The following CAPN9 variants were observed in gnomAD, a reference collection of about 807,000 sequenced individuals.
CAPN9 encodes calpain-9.
CAPN9 carries 81 observed loss-of-function variants against 92.8 expected under a neutral mutation model. The ratio of observed to expected loss-of-function variants is 0.87; its 90% CI spans 0.73 to 1.05. The LOEUF (loss-of-function observed/expected upper bound fraction) is 1.05, where lower values mean the gene tolerates loss of function less well. Among genes scored for constraint, CAPN9 ranks in the 50% least tolerant of loss-of-function variants. CAPN9 has a pLI of 0.00. For missense variants in CAPN9, 848 were observed against 866.2 expected (o/e 0.98, Z 0.26); for synonymous variants, 304 against 328.0 (o/e 0.93, Z 0.79).
intron 11 of CAPN9, among the ~76,000 whole-genome samples, chr1:230,785,141 A>G (rs1667498540): frequency 6.6e-6 from 1 of 152,126 alleles, no homozygotes; most frequent in South Asian, 2.1e-4. Context: ...CTATACTCCC[A>G]TTGTATTTTG....
intron 9 of CAPN9, 54 bp from the exon 10 acceptor site, chr1:230,780,125 C>G: frequency 8.6e-7 from 1 of 1,165,816 alleles, no homozygotes; most frequent in Non-Finnish European, 1.2e-6. Flanking sequence ...TGTGTGTGGT[C>G]TTTGTGGGTT....
At chr1:230,787,313 G>A (rs1304414569) in intron 12 of CAPN9, among the ~76,000 whole-genome samples, 1 of 152,128 alleles carries the variant, frequency 6.6e-6, no homozygotes, top group Non-Finnish European at 1.5e-5. Context: ...GGGCTCCACA[G>A]GTCCAGCTAA....
chr1:230,776,666 G>T lies in CAPN9; in HGVS notation c.953+2035G>T, dbSNP rs114130922. 143 of 152,234 alleles carry T rather than the reference G, an allele frequency of 9.4e-4. 2 individuals carry two copies. The highest frequency in any genetic ancestry group is 3.4e-3 in the African/African-American group (141 of 41,528). 9.4% of individuals were successfully genotyped at this position (152,234 alleles called of 1,614,324 possible). A position where few individuals can be genotyped will look rare whatever the true frequency, so the allele number is the denominator to read the frequency against. ...CCAGGGAGGATGTTCATATTCTGTG[G>T]GTGGCTCTGTTCATACAGTGATTCA... On this transcript the variant is annotated intron_variant, in intron 8 of 19. Coordinates refer to ENST00000271971, the MANE Select transcript of CAPN9 (RefSeq NM_006615.3).
At chr1:230,789,524 G>A (rs1667840905) in intron 13 of CAPN9, among the ~76,000 whole-genome samples, 2 of 146,768 alleles carry the variant, frequency 1.4e-5, no homozygotes, top group South Asian at 4.4e-4. Context: ...GGCAAGGTCT[G>A]AGACTCTCCA....
At chr1:230,774,977 A>G (rs756833753) in intron 8 of CAPN9, among the ~76,000 whole-genome samples, 8 of 151,976 alleles carry the variant, frequency 5.3e-5, no homozygotes, top group Non-Finnish European at 7.4e-5. Context: ...CTGACCTCAG[A>G]GAAACCACCC....
At chr1:230,760,493 G>A (rs12023382) in intron 3 of CAPN9, among the ~76,000 whole-genome samples, 1 of 152,274 alleles carries the variant, frequency 6.6e-6, no homozygotes, top group East Asian at 1.9e-4. Flanking sequence ...TGTCCCTGAA[G>A]CCTGCAATCT....
At chr1:230,759,228 C>T (rs12562543) in intron 2 of CAPN9, among the ~76,000 whole-genome samples, 3,952 of 152,274 alleles carry the variant, frequency 0.026, 158 homozygotes, top group East Asian at 0.088. Flanking sequence ...TGCTGGAATT[C>T]ACAGAGCTGA....
intron 8 of CAPN9, among the ~76,000 whole-genome samples, chr1:230,777,891 T>C (rs1238510535): frequency 6.6e-6 from 1 of 152,086 alleles, no homozygotes; most frequent in Non-Finnish European, 1.5e-5. Flanking sequence ...CAGGACCCCA[T>C]CCATGGTCCC....
intron 18 of CAPN9, among the ~76,000 whole-genome samples, chr1:230,797,182 A>T (rs28359734): frequency 6.6e-6 from 1 of 151,986 alleles, no homozygotes; most frequent in Non-Finnish European, 1.5e-5. Context: ...CAAATTCGCC[A>T]GGTGTTTCCA....
rs189942759 is a variant in CAPN9 at position 230,793,273 on chromosome 1, G to A, written c.1870+345G>A. Reference sequence around the variant, plus strand: ...CATGGCTCTTTGGTGGCAAGCTGCAGTGATTCCAAACTTCTCATTTCTGCT... The same window carrying A: ...CATGGCTCTTTGGTGGCAAGCTGCAATGATTCCAAACTTCTCATTTCTGCT... On this transcript the variant is annotated intron_variant, in intron 17 of 19. Transcript: ENST00000271971. Among the ~76,000 whole-genome samples the A allele has an allele frequency of 1.2e-4, 18 of 152,348 alleles. No individual in the cohort carries two copies. The East Asian group carries it at 3.5e-3, about 29-fold the overall frequency.
chr1:230,798,111 G>C, intron 18 of CAPN9, 51 bp from the exon 19 acceptor site: 3 of 1,378,502 alleles, frequency 2.2e-6, no homozygotes, highest in African/African-American at 1.4e-5. Flanking sequence ...AAACAAACTT[G>C]GTAAAGGAAT....
At chr1:230,775,235 T>C (rs546351175) in intron 8 of CAPN9, among the ~76,000 whole-genome samples, 1 of 152,230 alleles carries the variant, frequency 6.6e-6, no homozygotes, top group East Asian at 1.9e-4. Flanking sequence ...CACACCTCCT[T>C]GGCACTCTTT....
chr1:230,758,854 C>T (rs750913021), intron 2 of CAPN9, among the ~76,000 whole-genome samples: 2 of 152,188 alleles, frequency 1.3e-5, no homozygotes, highest in South Asian at 2.1e-4. Context: ...AGCCCACACT[C>T]AGTGTGGGCA....
chr1:230,758,200 T>C (rs1161282006), intron 2 of CAPN9, among the ~76,000 whole-genome samples: 1 of 152,188 alleles, frequency 6.6e-6, no homozygotes. Flanking sequence ...CTGGGCAAAG[T>C]TGAAACTTGG....
rs772278210 is a variant in CAPN9, at chr1:230,774,553, G to T, written c.876-1G>T. ...TGAACACCAATTTTGTTTACTCCTAGTTCTCCGGAGTGGCGTTCTGTTGGT... is the reference window on the plus strand; with the variant it reads ...TGAACACCAATTTTGTTTACTCCTATTTCTCCGGAGTGGCGTTCTGTTGGT... On this transcript the variant is annotated splice_acceptor_variant, in intron 7 of 19. Transcript: ENST00000271971. LOFTEE classifies it high-confidence loss of function. 27 of 1,611,152 alleles carry T rather than the reference G, an allele frequency of 1.7e-5. No individual in the cohort carries two copies. The highest frequency in any genetic ancestry group is 2.2e-5 in the Non-Finnish European group (26 of 1,177,524).
intron 18 of CAPN9, among the ~76,000 whole-genome samples, chr1:230,796,417 C>T (rs1364580080): frequency 6.6e-6 from 1 of 151,462 alleles, no homozygotes; most frequent in Non-Finnish European, 1.5e-5. Context: ...GGCTGTGACC[C>T]TTGGTTATCA....
chr1:230,747,780 CA>C (rs1664518719), intron 1 of CAPN9, 71 bp downstream of exon 1: 1 of 1,406,068 alleles, frequency 7.1e-7, no homozygotes, highest in East Asian at 2.3e-5. Flanking sequence ...GAAGTGGAAA[CA>C]GGGGTGCTGG....
chr1:230,779,055 A>G lies in CAPN9; in HGVS notation c.1036A>G (p.Ile346Val). The G allele has an allele frequency of 6.2e-7, 1 of 1,613,710 alleles. No individual in the cohort carries two copies. ...TCCCGATGCCCTGGAGGAAGACGCG[A>G]TCCACAAATGGGAGGTGACGGTCCA... ...LTPDALEEDA[I>V]HKWEVTVHQG... is the part of the protein sequence containing the mutation. Residue 346 changes from isoleucine to valine, a missense_variant, in exon 9 of 20, where the codon ATC (isoleucine) becomes GTC (valine). Ile to Val is a conservative substitution (Grantham distance 29, BLOSUM62 3). Transcript: ENST00000271971.
In CAPN9 at chr1:230,760,811, G is replaced by T. The variant is rs28359617; in HGVS notation, c.402+1181G>T. Among the ~76,000 whole-genome samples, 129 of 152,298 alleles carry T rather than the reference G, an allele frequency of 8.5e-4. 1 individual carries two copies. Among genetic ancestry groups the T allele is most frequent in the African/African-American group, 3.1e-3 (127 of 41,552 alleles). On this transcript the variant is annotated intron_variant, in intron 3 of 19. Transcript: ENST00000271971. ...CTCTTAAACACACCAGGGTGGCAGT[G>T]TTGGGGGTGGTTAAGCTCAGAAAAT...
Sources: allele counts gnomAD v4.1 joint callset (sites outside exome capture counted in the v4.1 genomes callset), GRCh38; gene constraint gnomAD v4.1.1; transcripts MANE v1.5; gene names NCBI Gene and HGNC (gene_info 2026-07-23, HGNC 2026-07-21).